The following MAF variants were observed in gnomAD, a reference collection of about 807,000 sequenced individuals.
MAF encodes MAF bZIP transcription factor, also known as transcription factor Maf.
A neutral mutation model predicts 22.0 loss-of-function variants in MAF; 10 were observed. The ratio of observed to expected loss-of-function variants is 0.45; its 90% CI spans 0.28 to 0.77. MAF has a LOEUF of 0.77. Among genes scored for constraint, MAF ranks in the 30% least tolerant of loss-of-function variants. MAF has a pLI of 0.12. For synonymous variants in MAF, 337 were observed against 255.8 expected (o/e 1.32, Z -3.03); for missense variants, 544 against 548.4 (o/e 0.99, Z 0.08).
chr16:79,217,986 T>TAAAAAAAAAAAAAAAAA, the MAF span, among the ~76,000 whole-genome samples: 2 of 52,124 alleles, frequency 3.8e-5, no homozygotes, highest in Non-Finnish European at 6.6e-5. Context: ...GAAGCTTATG[T>TAAAAAAAAAAAAAAAAA]AAAAAAAAAA....
the MAF span, among the ~76,000 whole-genome samples, chr16:79,481,449 A>G: frequency 6.6e-6 from 1 of 152,074 alleles, no homozygotes; most frequent in Non-Finnish European, 1.5e-5. Flanking sequence ...GCCACTACTC[A>G]TCTACTTCCC....
At chr16:79,471,024 A>T in the MAF span, among the ~76,000 whole-genome samples, 2 of 152,098 alleles carry the variant, frequency 1.3e-5, no homozygotes, top group Non-Finnish European at 2.9e-5. Context: ...ATCACCTCCC[A>T]CCCTAGTCTT....
At chr16:79,382,172 A>G in the MAF span, among the ~76,000 whole-genome samples, 1 of 152,198 alleles carries the variant, frequency 6.6e-6, no homozygotes, top group Non-Finnish European at 1.5e-5. Context: ...TCAACATGTC[A>G]GAGGGTTTTC....
chr16:79,577,781 A>C, the MAF span, among the ~76,000 whole-genome samples: 4 of 152,326 alleles, frequency 2.6e-5, no homozygotes, highest in African/African-American at 9.6e-5. Flanking sequence ...CTATAGTAAA[A>C]TTTTGTGATT....
chr16:79,300,479 C>T, the MAF span, among the ~76,000 whole-genome samples: 320 of 152,136 alleles, frequency 2.1e-3, 1 homozygote, highest in African/African-American at 7.0e-3. Context: ...CACTTGAACC[C>T]GGGAGGTGGA....
At chr16:79,419,743 C>T in the MAF span, among the ~76,000 whole-genome samples, 5 of 152,112 alleles carry the variant, frequency 3.3e-5, no homozygotes, top group Non-Finnish European at 4.4e-5. Context: ...CACCTTGGCA[C>T]GAGGAAGAAA....
At chr16:79,395,336 G>A in the MAF span, among the ~76,000 whole-genome samples, 1 of 152,176 alleles carries the variant, frequency 6.6e-6, no homozygotes, top group Non-Finnish European at 1.5e-5. Flanking sequence ...AGGGAGCATA[G>A]GTTTGCTAAG....
chr16:79,209,409 T>G, the MAF span, among the ~76,000 whole-genome samples: 1 of 152,214 alleles, frequency 6.6e-6, no homozygotes, highest in Non-Finnish European at 1.5e-5. Flanking sequence ...GCTTTTTGCT[T>G]TCCCAAACGG....
chr16:79,598,638 TAGGGGGCCA>T, intron 1 of MAF, 138 bp downstream of exon 1: 1 of 1,482,298 alleles, frequency 6.7e-7, no homozygotes. Context: ...TGTGTGTGTG[TAGGGGGCCA>T]AGGGGGCCAA....
the MAF span, among the ~76,000 whole-genome samples, chr16:79,407,801 C>G: frequency 3.7e-3 from 562 of 152,236 alleles, 3 homozygotes; most frequent in African/African-American, 0.013. Flanking sequence ...AGCCGCCCCA[C>G]GAAGCCAGGT....
chr16:79,502,710 T>TATATATAC, the MAF span, among the ~76,000 whole-genome samples: 4 of 16,590 alleles, frequency 2.4e-4, no homozygotes, highest in Non-Finnish European at 4.8e-4. Context: ...TAAATATAAA[T>TATATATAC]ATATATATAT....
chr16:79,474,300 G>A, the MAF span, among the ~76,000 whole-genome samples: 1 of 152,184 alleles, frequency 6.6e-6, no homozygotes, highest in Non-Finnish European at 1.5e-5. Context: ...TTGCCTGGTT[G>A]TACTATTACC....
chr16:79,464,255 G>A, the MAF span, among the ~76,000 whole-genome samples: 1 of 152,128 alleles, frequency 6.6e-6, no homozygotes, highest in South Asian at 2.1e-4. Context: ...GACTCCAGAG[G>A]CCAGACAGGT....
exon 2 of MAF, chr16:79,585,933 C>G (rs1421622181): frequency 2.9e-6 from 2 of 684,546 alleles, no homozygotes; most frequent in African/African-American, 3.6e-5. Flanking sequence ...AGAGGATTCC[C>G]TTGGGTACCT....
chr16:79,352,996 C>T, the MAF span, among the ~76,000 whole-genome samples: 12 of 151,840 alleles, frequency 7.9e-5, no homozygotes, highest in Middle Eastern at 3.2e-3. Context: ...TGGCTTATAA[C>T]GAATGTCAAG....
chr16:79,296,664 A>C, the MAF span, among the ~76,000 whole-genome samples: 4 of 151,268 alleles, frequency 2.6e-5, no homozygotes, highest in Admixed American at 2.0e-4. Flanking sequence ...AAGTCTTTTG[A>C]CCACATTAGA....
At chr16:79,513,896 G>A in the MAF span, among the ~76,000 whole-genome samples, 69 of 152,116 alleles carry the variant, frequency 4.5e-4, no homozygotes, top group Admixed American at 2.0e-3. Flanking sequence ...CAGTCTTTTC[G>A]GCACTGAATA....
downstream of MAF, among the ~76,000 whole-genome samples, chr16:79,591,786 T>A (rs1273830977): frequency 6.6e-6 from 1 of 152,218 alleles, no homozygotes; most frequent in African/African-American, 2.4e-5. Context: ...ATAAAACTAT[T>A]GCAGTGACCA....
chr16:79,424,478 A>G, the MAF span, among the ~76,000 whole-genome samples: 1 of 152,224 alleles, frequency 6.6e-6, no homozygotes, highest in African/African-American at 2.4e-5. Context: ...TCCTTGATTA[A>G]AAAAATTAGA....
Sources: gnomAD v4.1 joint callset for allele counts (sites outside exome capture counted in the v4.1 genomes callset) on GRCh38, gnomAD v4.1.1 for gene constraint, MANE v1.5 for transcripts, NCBI Gene and HGNC (gene_info 2026-07-23, HGNC 2026-07-21) for gene names.